The following ARHGEF38 variants were observed in gnomAD, a reference collection of about 807,000 sequenced individuals.
The protein encoded by ARHGEF38 is Rho guanine nucleotide exchange factor (GEF) 38.
Under a neutral mutation model 79.9 loss-of-function variants are expected in ARHGEF38, and 79 were observed. That is an observed-to-expected ratio of 0.99 (90% CI 0.82 to 1.19). ARHGEF38 has a LOEUF of 1.19. ARHGEF38 is among the 50% of genes most tolerant of loss of function. The pLI is 0.00. For missense variants in ARHGEF38, 962 were observed against 907.2 expected (o/e 1.06, Z -0.78); for synonymous variants, 366 against 328.3 (o/e 1.11, Z -1.24).
At chr4:105,640,986 T>A (rs1436298389) in intron 5 of ARHGEF38, among the ~76,000 whole-genome samples, 1 of 152,154 alleles carries the variant, frequency 6.6e-6, no homozygotes, top group Non-Finnish European at 1.5e-5. Flanking sequence ...GCTGGACACT[T>A]AGTGAGTTCT....
chr4:105,672,298 G>A (rs894377678), intron 13 of ARHGEF38, among the ~76,000 whole-genome samples: 1 of 152,140 alleles, frequency 6.6e-6, no homozygotes, highest in African/African-American at 2.4e-5. Flanking sequence ...AATCACTGCT[G>A]TAGAGATTTA....
chr4:105,625,735 GA>G (rs1412519554), intron 3 of ARHGEF38, among the ~76,000 whole-genome samples: 1 of 152,194 alleles, frequency 6.6e-6, no homozygotes, highest in East Asian at 1.9e-4. Context: ...GGGAGGGTGG[GA>G]AATGTCATTT....
intron 1 of ARHGEF38, among the ~76,000 whole-genome samples, chr4:105,564,655 A>G (rs1725800943): frequency 6.6e-6 from 1 of 152,254 alleles, no homozygotes. Flanking sequence ...TTTTACCACA[A>G]TAAAAAATGA....
At chr4:105,625,424 T>G (rs1458983758) in intron 3 of ARHGEF38, among the ~76,000 whole-genome samples, 1 of 152,208 alleles carries the variant, frequency 6.6e-6, no homozygotes, top group Admixed American at 6.5e-5. Context: ...GATTTCTCTA[T>G]GTGTAAAAGT....
intron 1 of ARHGEF38, chr4:105,561,654 G>A (rs796986089): frequency 1.3e-5 from 2 of 152,050 alleles, no homozygotes; most frequent in South Asian, 4.1e-4. Context: ...GTAGGTAAGG[G>A]AATACCTTTC....
chr4:105,561,599 C>T (rs1043821793), intron 1 of ARHGEF38: 10 of 151,974 alleles, frequency 6.6e-5, no homozygotes, highest in Admixed American at 2.6e-4. Context: ...AGTCTCTGTT[C>T]GTCTTTTTTG....
At chr4:105,571,615 G>A (rs1726239698) in intron 1 of ARHGEF38, among the ~76,000 whole-genome samples, 2 of 152,100 alleles carry the variant, frequency 1.3e-5, no homozygotes, top group African/African-American at 4.8e-5. Context: ...GAGCCACCGC[G>A]CCCTGCCTGC....
chr4:105,679,648 G>A lies in ARHGEF38; in HGVS notation c.*1711G>A. 1 of 798,664 alleles carries A rather than the reference G, an allele frequency of 1.3e-6. No individual in the cohort carries two copies. Among genetic ancestry groups the A allele is most frequent in the Non-Finnish European group, 2.3e-6 (1 of 440,904 alleles). The allele number at this position is 798,664 out of a possible 1,614,324, so 49.5% of individuals were successfully genotyped here. A position where few individuals can be genotyped will look rare whatever the true frequency, so the allele number is the denominator to read the frequency against. On this transcript the variant is annotated 3_prime_UTR_variant, in exon 14 of 14. Transcript: ENST00000420470. ...AGAAATGGAAGCCAGAGACCTTATG[G>A]CATCCATGCTTTTAAATTTAACTAA...
At chr4:105,662,521 T>C (rs941694201) in intron 10 of ARHGEF38, among the ~76,000 whole-genome samples, 47 of 152,294 alleles carry the variant, frequency 3.1e-4, no homozygotes, top group African/African-American at 1.1e-3. Flanking sequence ...CTAGTATATT[T>C]AGGGTTTCAT....
chr4:105,607,875 C>T (rs1239297768), intron 2 of ARHGEF38, among the ~76,000 whole-genome samples: 1 of 152,068 alleles, frequency 6.6e-6, no homozygotes, highest in African/African-American at 2.4e-5. Flanking sequence ...CTTAGCTTTC[C>T]TCTTTGTGAC....
At chr4:105,655,754 A>G (rs1339357524) in intron 9 of ARHGEF38, 32 bp downstream of exon 9, 1 of 1,525,676 alleles carries the variant, frequency 6.6e-7, no homozygotes, top group Non-Finnish European at 8.8e-7. Context: ...ATAAATGCAA[A>G]TTAAATAGTG....
At chr4:105,635,847 T>C (rs1729375613) in intron 4 of ARHGEF38, among the ~76,000 whole-genome samples, 1 of 152,110 alleles carries the variant, frequency 6.6e-6, no homozygotes, top group South Asian at 2.1e-4. Context: ...TAATAGGTCT[T>C]AGACTAAGCA....
At chr4:105,647,810 T>C (rs1418324846) in intron 6 of ARHGEF38, among the ~76,000 whole-genome samples, 2 of 151,940 alleles carry the variant, frequency 1.3e-5, no homozygotes, top group Non-Finnish European at 2.9e-5. Flanking sequence ...TTGCCCCAAA[T>C]CTCTCAGCCA....
chr4:105,599,351 G>C (rs1372224092), intron 2 of ARHGEF38, among the ~76,000 whole-genome samples: 1 of 152,134 alleles, frequency 6.6e-6, no homozygotes, highest in African/African-American at 2.4e-5. Context: ...GCTGGACCAA[G>C]TGAGGATAAA....
chr4:105,668,050 A>T (rs1730818127), intron 13 of ARHGEF38, among the ~76,000 whole-genome samples: 1 of 152,138 alleles, frequency 6.6e-6, no homozygotes. Flanking sequence ...TACTGAACAG[A>T]TTGCTGCCAT....
At chr4:105,630,312 A>T (rs2110516359) in intron 3 of ARHGEF38, among the ~76,000 whole-genome samples, 1 of 151,502 alleles carries the variant, frequency 6.6e-6, no homozygotes. Context: ...CAGTGGTGCA[A>T]TCTCAGCTCG....
Position 105,631,746 on chromosome 4 carries a change from A to G in ARHGEF38, c.656+701A>G. 7.2e-6 allele frequency: 6 copies of G among 837,246 alleles called. No individual in the cohort carries two copies. The South Asian group carries it at 3.3e-4, about 46-fold the overall frequency. 51.9% of individuals were successfully genotyped at this position (837,246 alleles called of 1,614,324 possible). A position where few individuals can be genotyped will look rare whatever the true frequency, so the allele number is the denominator to read the frequency against. On this transcript the variant is annotated intron_variant, in intron 4 of 13. Transcript: ENST00000420470. ...ATTATTTATATGTATAAATGTGGGT[A>G]TGTGTTTGGATTGATTCTTTTAAAT...
At position 105,645,395 on chromosome 4, in the gene ARHGEF38, G is replaced by A. The variant is rs1205901109; in HGVS notation, c.874+8G>A. The A allele has an allele frequency of 6.6e-7, 1 of 1,505,804 alleles. No individual in the cohort carries two copies. Among genetic ancestry groups the A allele is most frequent in the South Asian group, 1.3e-5 (1 of 78,418 alleles). The allele number at this position is 1,505,804 out of a possible 1,614,324, so 93.3% of individuals were successfully genotyped here. A position where few individuals can be genotyped will look rare whatever the true frequency, so the allele number is the denominator to read the frequency against. ...AAAGAAGGAAAGATTTAGGTAGGAAGAGACATGATGAATTGGTTGTTTTCC... is the reference window on the plus strand; with the variant it reads ...AAAGAAGGAAAGATTTAGGTAGGAAAAGACATGATGAATTGGTTGTTTTCC... On this transcript the variant is annotated splice_region_variant and intron_variant, in intron 6 of 13. Coordinates refer to ENST00000420470, the MANE Select transcript of ARHGEF38 (RefSeq NM_001242729.2).
chr4:105,620,516 C>T (rs1728695497), intron 3 of ARHGEF38, among the ~76,000 whole-genome samples: 3 of 152,150 alleles, frequency 2.0e-5, no homozygotes, highest in Non-Finnish European at 4.4e-5. Flanking sequence ...ATTAGATTTA[C>T]TCATCTATTT....
Sources: gnomAD v4.1 joint callset for allele counts (sites outside exome capture counted in the v4.1 genomes callset) on GRCh38, gnomAD v4.1.1 for gene constraint, MANE v1.5 for transcripts, NCBI Gene and HGNC (gene_info 2026-07-23, HGNC 2026-07-21) for gene names.